The following ATP13A3 variants were observed in gnomAD, a reference collection of about 807,000 sequenced individuals.
ATP13A3 encodes ATPase 13A3, also known as polyamine-transporting ATPase 13A3.
A neutral mutation model predicts 158.1 loss-of-function variants in ATP13A3; 59 were observed. The ratio of observed to expected loss-of-function variants is 0.37; its 90% CI spans 0.30 to 0.46. ATP13A3 has a LOEUF of 0.46. Ranked by LOEUF, ATP13A3 falls within the 20% of genes least tolerant of loss-of-function variation. ATP13A3 has a pLI of 1.00. For synonymous variants in ATP13A3, 491 were observed against 504.3 expected (o/e 0.97, Z 0.35); for missense variants, 1,166 against 1,525.2 (o/e 0.76, Z 3.92).
At chr3:194,410,943 T>G (rs1299289196) in intron 33 of ATP13A3, among the ~76,000 whole-genome samples, 6 of 112,846 alleles carry the variant, frequency 5.3e-5, no homozygotes, top group East Asian at 5.5e-4. Flanking sequence ...TTGGGGTGTG[T>G]GTGTGTGTGT....
At chr3:194,452,223 G>A (rs1315658753) in intron 10 of ATP13A3, 5 of 152,324 alleles carry the variant, frequency 3.3e-5, no homozygotes, top group Non-Finnish European at 7.3e-5. Context: ...GTGTGATGGT[G>A]TGTACGCCTG....
intron 14 of ATP13A3, among the ~76,000 whole-genome samples, chr3:194,445,928 T>C (rs1394424242): frequency 1.3e-5 from 2 of 152,210 alleles, no homozygotes; most frequent in East Asian, 3.8e-4. Context: ...GTGACCTTCA[T>C]AATTCTTAAA....
intron 2 of ATP13A3, among the ~76,000 whole-genome samples, chr3:194,471,324 T>TAAAAA (rs59967046): frequency 8.1e-3 from 704 of 86,510 alleles, no homozygotes; most frequent in Non-Finnish European, 0.013. Context: ...CAGCAAATTC[T>TAAAAA]AAAAAAAAAA....
At chr3:194,418,310 T>C (rs113055306) in intron 31 of ATP13A3, among the ~76,000 whole-genome samples, 18 of 152,182 alleles carry the variant, frequency 1.2e-4, no homozygotes, top group African/African-American at 4.1e-4. Context: ...ATTAATAAAT[T>C]TGCCATGTCA....
intron 30 of ATP13A3, among the ~76,000 whole-genome samples, chr3:194,421,124 A>ATATATAGTT (rs1553796312): frequency 7.1e-5 from 5 of 70,598 alleles, no homozygotes; most frequent in South Asian, 4.6e-4. Context: ...GTATATATAT[A>ATATATAGTT]TATATATATA....
intron 10 of ATP13A3, among the ~76,000 whole-genome samples, 199 bp downstream of exon 10, chr3:194,453,507 G>C (rs1320062552): frequency 2.0e-5 from 3 of 152,060 alleles, no homozygotes; most frequent in Non-Finnish European, 2.9e-5. Context: ...CCTAAAGTGG[G>C]AGGATTACTT....
Position 194,462,233 on chromosome 3 carries a change from A to T in ATP13A3, c.-43T>A. 6.4e-7 allele frequency: 1 copy of T among 1,555,352 alleles called. No individual in the cohort carries two copies. Among genetic ancestry groups the T allele is most frequent in the Non-Finnish European group, 8.9e-7 (1 of 1,126,870 alleles). The stretch of plus-strand genomic sequence containing the variant: ...GGTCCAGTGCTTCAAACAATGGAAG[A>T]TCACTGAGGGAAGAAAGGGAACAGA... On this transcript the variant is annotated 5_prime_UTR_variant, in exon 3 of 34. Transcript: ENST00000645319.
intron 30 of ATP13A3, among the ~76,000 whole-genome samples, chr3:194,422,627 TG>T (rs552250889): frequency 6.6e-6 from 1 of 152,146 alleles, no homozygotes; most frequent in African/African-American, 2.4e-5. Flanking sequence ...TTTCAGCTTG[TG>T]GCAACATATG....
At chr3:194,443,467 T>C (rs186798244) in intron 15 of ATP13A3, among the ~76,000 whole-genome samples, 2 of 152,192 alleles carry the variant, frequency 1.3e-5, no homozygotes, top group Admixed American at 6.5e-5. Flanking sequence ...GTGCACATCA[T>C]GGCACAGAAA....
intron 11 of ATP13A3, among the ~76,000 whole-genome samples, chr3:194,449,345 C>A (rs2108905133): frequency 6.6e-6 from 1 of 151,556 alleles, no homozygotes; most frequent in South Asian, 2.1e-4. Flanking sequence ...ATTTTCTAGC[C>A]AGATCAACTA....
chr3:194,412,166 A>G (rs1386564469), intron 33 of ATP13A3, 33 bp downstream of exon 33: 11 of 1,494,498 alleles, frequency 7.4e-6, no homozygotes, highest in Non-Finnish European at 9.9e-6. Context: ...CTAGAGAGGC[A>G]GCAAGAATTG....
At chr3:194,449,830 G>A (rs751491466) in intron 11 of ATP13A3, among the ~76,000 whole-genome samples, 10 of 152,038 alleles carry the variant, frequency 6.6e-5, no homozygotes, top group Non-Finnish European at 1.5e-4. Flanking sequence ...ATCAAATGGG[G>A]AACCAAATAC....
chr3:194,484,316 G>T (rs998864453), intron 2 of ATP13A3, among the ~76,000 whole-genome samples: 1 of 152,110 alleles, frequency 6.6e-6, no homozygotes, highest in African/African-American at 2.4e-5. Context: ...TGTAAAGAAA[G>T]GAGCACTTTT....
chr3:194,440,637 G>C (rs1717985140), intron 16 of ATP13A3, among the ~76,000 whole-genome samples: 1 of 152,154 alleles, frequency 6.6e-6, no homozygotes, highest in Non-Finnish European at 1.5e-5. Context: ...GAGTAAAAAA[G>C]TGCCATCCAG....
intron 2 of ATP13A3, among the ~76,000 whole-genome samples, chr3:194,477,011 G>C (rs535983439): frequency 1.3e-4 from 20 of 152,278 alleles, no homozygotes; most frequent in Admixed American, 1.1e-3. Context: ...TTCATCAGTG[G>C]TTATCACTCG....
chr3:194,421,239 A>C (rs535787104), intron 30 of ATP13A3, among the ~76,000 whole-genome samples: 5 of 132,086 alleles, frequency 3.8e-5, no homozygotes, highest in Non-Finnish European at 7.8e-5. Context: ...TTTTACCATG[A>C]GCCACTGACC....
chr3:194,441,615 G>A (rs1236218100), intron 15 of ATP13A3, among the ~76,000 whole-genome samples, 154 bp from the exon 16 acceptor site: 1 of 152,090 alleles, frequency 6.6e-6, no homozygotes, highest in African/African-American at 2.4e-5. Flanking sequence ...CAGAAATACA[G>A]GGAAAAGAAA....
intron 31 of ATP13A3, among the ~76,000 whole-genome samples, chr3:194,415,115 C>CA (rs1715729039): frequency 1.3e-5 from 2 of 152,052 alleles, no homozygotes. Flanking sequence ...AAGAAAAGGC[C>CA]AAAAGACAGC....
At chr3:194,456,904 C>T (rs1719270730) in intron 7 of ATP13A3, among the ~76,000 whole-genome samples, 190 bp downstream of exon 7, 1 of 152,098 alleles carries the variant, frequency 6.6e-6, no homozygotes, top group South Asian at 2.1e-4. Flanking sequence ...AAAATATCAG[C>T]TTGCACATTT....
Sources: gnomAD v4.1 joint callset for allele counts (sites outside exome capture counted in the v4.1 genomes callset) on GRCh38, gnomAD v4.1.1 for gene constraint, MANE v1.5 for transcripts, NCBI Gene and HGNC (gene_info 2026-07-23, HGNC 2026-07-21) for gene names.